The following RAD51B variants were observed in gnomAD, a reference collection of about 807,000 sequenced individuals.
The protein encoded by RAD51B is DNA repair protein RAD51 homolog 2.
RAD51B carries 38 observed loss-of-function variants against 42.2 expected under a neutral mutation model. The observed-to-expected ratio is 0.90, with a 90% CI of 0.70 to 1.18. The LOEUF is 1.18. Among genes scored for constraint, RAD51B ranks in the 50% most tolerant of loss-of-function variants. RAD51B has a pLI of 0.00. For missense variants in RAD51B, 373 were observed against 400.7 expected, an observed-to-expected ratio of 0.93 and a Z score of 0.59; for synonymous variants, 154 against 145.2, an observed-to-expected ratio of 1.06 and a Z score of -0.43.
chr14:67,861,300 C>G (rs1237035569), intron 4 of RAD51B, among the ~76,000 whole-genome samples: 1 of 152,056 alleles, frequency 6.6e-6, no homozygotes, highest in Admixed American at 6.5e-5. Context: ...ACAAGAGCAT[C>G]TCTGATTATC....
At chr14:68,052,902 A>C (rs537695915) in intron 7 of RAD51B, among the ~76,000 whole-genome samples, 1 of 151,744 alleles carries the variant, frequency 6.6e-6, no homozygotes, top group East Asian at 1.9e-4. Context: ...CAAAATGCTG[A>C]GATTACAAAC....
At chr14:68,025,068 G>A (rs567219921) in intron 7 of RAD51B, among the ~76,000 whole-genome samples, 1 of 151,982 alleles carries the variant, frequency 6.6e-6, no homozygotes, top group South Asian at 2.1e-4. Context: ...AGGGAAGTTG[G>A]ATTTTATTGA....
In RAD51B at chr14:68,477,262, C is replaced by T. The variant is rs995437621; in HGVS notation, c.1037-386C>T. ...GGACTGTGGTGTGCTAGATATAGCACAAAACATCTAAATCATGGTCCCCTG... is the reference window on the plus strand; with the variant it reads ...GGACTGTGGTGTGCTAGATATAGCATAAAACATCTAAATCATGGTCCCCTG... On this transcript the variant is annotated intron_variant, in intron 10 of 10. Transcript: ENST00000471583. Among the ~76,000 whole-genome samples the T allele has an allele frequency of 2.6e-5, 4 of 152,202 alleles. No homozygotes were observed. In the East Asian group the frequency reaches 7.7e-4, roughly 29 times the overall value.
At chr14:68,412,535 C>T (rs1409916472) in intron 9 of RAD51B, among the ~76,000 whole-genome samples, 3 of 152,166 alleles carry the variant, frequency 2.0e-5, no homozygotes, top group East Asian at 1.9e-4. Flanking sequence ...CAAAAACAGG[C>T]GTGAGCTATT....
chr14:68,551,911 C>A (rs1888594645), intron 10 of RAD51B, among the ~76,000 whole-genome samples: 1 of 152,170 alleles, frequency 6.6e-6, no homozygotes, highest in Non-Finnish European at 1.5e-5. Flanking sequence ...CCCTCTAGGA[C>A]TTGCATTTGA....
chr14:68,242,700 A>G (rs973085223), intron 7 of RAD51B, among the ~76,000 whole-genome samples: 2 of 152,338 alleles, frequency 1.3e-5, no homozygotes, highest in East Asian at 3.9e-4. Context: ...TAGGTGCTAA[A>G]CGCCATGCTA....
At chr14:67,893,789 G>A (rs1163560022) in intron 7 of RAD51B, among the ~76,000 whole-genome samples, 1 of 152,160 alleles carries the variant, frequency 6.6e-6, no homozygotes, top group Admixed American at 6.6e-5. Context: ...ATTTGGAGAA[G>A]GGGACTTGAT....
At chr14:68,100,575 A>G (rs1428453718) in intron 7 of RAD51B, among the ~76,000 whole-genome samples, 2 of 151,888 alleles carry the variant, frequency 1.3e-5, no homozygotes, top group African/African-American at 4.8e-5. Flanking sequence ...AGTACTTGAC[A>G]CCCCTTATTT....
At chr14:68,578,806 C>G (rs536366344) in intron 10 of RAD51B, among the ~76,000 whole-genome samples, 149 of 152,290 alleles carry the variant, frequency 9.8e-4, no homozygotes, top group African/African-American at 3.5e-3. Flanking sequence ...GGTGACAAGA[C>G]AAAGGAGGAA....
At chr14:68,627,972 C>T (rs73285870) in intron 10 of RAD51B, among the ~76,000 whole-genome samples, 1,674 of 152,040 alleles carry the variant, frequency 0.011, 33 homozygotes, top group African/African-American at 0.038. Context: ...AAAGCCAGGC[C>T]CTTGACGACA....
At chr14:68,534,846 A>T (rs1290647105) in intron 10 of RAD51B, among the ~76,000 whole-genome samples, 1 of 152,156 alleles carries the variant, frequency 6.6e-6, no homozygotes, top group Non-Finnish European at 1.5e-5. Context: ...AACATTGTGG[A>T]TGCTCAATAC....
chr14:68,514,151 T>C (rs1885959751), intron 10 of RAD51B, among the ~76,000 whole-genome samples: 1 of 152,216 alleles, frequency 6.6e-6, no homozygotes, highest in South Asian at 2.1e-4. Context: ...TGTTTTCTGA[T>C]ATGTAAAATG....
At chr14:68,431,621 A>G (rs2085009071) in intron 9 of RAD51B, among the ~76,000 whole-genome samples, 1 of 150,110 alleles carries the variant, frequency 6.7e-6, no homozygotes, top group African/African-American at 2.4e-5. Flanking sequence ...TTTTTATTGC[A>G]TCTATTTGAT....
Position 68,274,021 on chromosome 14 carries a change from C to T in RAD51B, c.757-17863C>T, listed in dbSNP as rs139604064. Among the ~76,000 whole-genome samples, 779 of 152,170 alleles carry T rather than the reference C, an allele frequency of 5.1e-3. 5 individuals are homozygous for T. The highest frequency in any genetic ancestry group is 0.018 in the African/African-American group (733 of 41,508). On this transcript the variant is annotated intron_variant, in intron 7 of 10. Transcript: ENST00000471583. ...AAACCAGTTTCTTGCCCCAATTTCC[C>T]CACTCTCCTTTGCTTCTTATGCTTC... is the stretch of plus-strand genomic sequence containing the variant.
At chr14:68,588,715 G>A (rs571271202) in intron 10 of RAD51B, among the ~76,000 whole-genome samples, 3 of 152,280 alleles carry the variant, frequency 2.0e-5, no homozygotes, top group African/African-American at 4.8e-5. Flanking sequence ...TTCTTTCACC[G>A]TCTGTGAGTT....
At chr14:67,855,259 C>T (rs2041951192) in intron 4 of RAD51B, among the ~76,000 whole-genome samples, 1 of 151,184 alleles carries the variant, frequency 6.6e-6, no homozygotes, top group Non-Finnish European at 1.5e-5. Flanking sequence ...GAGACAGAGT[C>T]TTGCTCTGTT....
chr14:67,863,150 ATTTTTTTTTTT>A (rs5809367), intron 4 of RAD51B, among the ~76,000 whole-genome samples: 4 of 74,032 alleles, frequency 5.4e-5, no homozygotes, highest in Non-Finnish European at 1.1e-4. Flanking sequence ...AAATATGGGA[ATTTTTTTTTTT>A]TTTTTTTTTT....
At chr14:68,081,712 G>A (rs1258792174) in intron 7 of RAD51B, among the ~76,000 whole-genome samples, 1 of 152,164 alleles carries the variant, frequency 6.6e-6, no homozygotes, top group Non-Finnish European at 1.5e-5. Flanking sequence ...CGACAAGGGG[G>A]AGTGGCTTGC....
chr14:68,336,682 A>G (rs1318718846), intron 8 of RAD51B, among the ~76,000 whole-genome samples: 2 of 152,220 alleles, frequency 1.3e-5, no homozygotes, highest in Admixed American at 6.5e-5. Context: ...CCACCAATGC[A>G]TCTATTAAAC....
Sources: gnomAD v4.1 joint callset for allele counts (sites outside exome capture counted in the v4.1 genomes callset) on GRCh38, gnomAD v4.1.1 for gene constraint, MANE v1.5 for transcripts, NCBI Gene and HGNC (gene_info 2026-07-23, HGNC 2026-07-21) for gene names.